The following DNAH17 variants were observed in gnomAD, a reference collection of about 807,000 sequenced individuals.
DNAH17 encodes the protein axonemal beta dynein heavy chain 17.
DNAH17 carries 376 observed loss-of-function variants against 485.6 expected under a neutral mutation model. The ratio of observed to expected loss-of-function variants is 0.77; its 90% CI spans 0.71 to 0.84. The LOEUF is 0.84. DNAH17 is among the 40% of genes least tolerant of loss of function. The pLI, the probability that DNAH17 is intolerant of heterozygous loss-of-function variation, is 0.00. For missense variants in DNAH17, 6,370 were observed against 5,839.3 expected, an observed-to-expected ratio of 1.09 and a Z score of -2.96; for synonymous variants, 3,031 against 2,405.9, an observed-to-expected ratio of 1.26 and a Z score of -7.60.
rs1385594641 is a variant in DNAH17 at position 78,503,531 on chromosome 17, G to A, written c.4957-520C>T. On this transcript the variant is annotated intron_variant, in intron 31 of 80. Coordinates refer to ENST00000389840, the MANE Select transcript of DNAH17 (RefSeq NM_173628.4). ...AGATAGGATCTCGCTCTGCTGCCCC[G>A]GCTGCTGTGCAGTAACTGCAGTCCT... 3.3e-5 allele frequency among the ~76,000 whole-genome samples: 5 copies of A among 151,768 alleles called. No homozygotes were observed. In the South Asian group the frequency reaches 6.2e-4, roughly 19 times the overall value.
intron 44 of DNAH17, among the ~76,000 whole-genome samples, chr17:78,487,967 C>T (rs140675050): frequency 6.6e-6 from 1 of 152,322 alleles, no homozygotes; most frequent in East Asian, 1.9e-4. Context: ...CTTTCTATGT[C>T]CCTAAGCGAA....
Position 78,485,764 on chromosome 17 carries a change from CAGGGGAGGGA to C in DNAH17, c.7276-17_7276-8del, listed in dbSNP as rs200138898. On this transcript the variant is annotated splice_region_variant and splice_polypyrimidine_tract_variant and intron_variant, in intron 46 of 80. Coordinates refer to ENST00000389840, the MANE Select transcript of DNAH17 (RefSeq NM_173628.4). The stretch of plus-strand genomic sequence containing the variant: ...TGGTGTGGACCAAAGAGGCCTGGGG[CAGGGGAGGGA>C]AGGGGAGGGAGCTGTGATTCTCAGA... The C allele has an allele frequency of 1.2e-6, 2 of 1,611,636 alleles. No homozygotes were observed. Among genetic ancestry groups the C allele is most frequent in the East Asian group, 4.5e-5 (2 of 44,858 alleles).
intron 54 of DNAH17, among the ~76,000 whole-genome samples, chr17:78,471,151 C>A (rs984797144): frequency 3.1e-4 from 47 of 152,338 alleles, no homozygotes; most frequent in African/African-American, 1.1e-3. Context: ...TCCATATAGG[C>A]ACCCCAGTGG....
Position 78,428,534 on chromosome 17 carries a change from G to T in DNAH17, c.12579C>A (p.Arg4193=), listed in dbSNP as rs761215043. 3 of 1,606,504 alleles carry T rather than the reference G, an allele frequency of 1.9e-6. No homozygotes were observed. The highest frequency in any genetic ancestry group is 2.5e-6 in the Non-Finnish European group (3 of 1,176,692). ...TDSGAGTGVS[R]EEKVKAVLDD... The stretch of plus-strand genomic sequence containing the variant: ...GTTTCAAAGATCCTGCCTTCTCCTC[G>T]CGGGACACTCCCGTGCCTGCCCCCG... The change falls in exon 77 of 81, where the codon CGC becomes CGA. Residue 4193 remains arginine (R), a synonymous_variant. Coordinates refer to ENST00000389840, the MANE Select transcript of DNAH17 (RefSeq NM_173628.4).
At chr17:78,505,520 G>C (rs1006309922) in intron 30 of DNAH17, 75 bp from the exon 31 acceptor site, 2 of 1,588,326 alleles carry the variant, frequency 1.3e-6, no homozygotes, top group Non-Finnish European at 1.7e-6. Context: ...GCTTTCCGTG[G>C]GTGGTTTTAG....
At chr17:78,476,526 T>C in intron 52 of DNAH17, 46 bp downstream of exon 52, 1 of 1,572,238 alleles carries the variant, frequency 6.4e-7, no homozygotes. Flanking sequence ...TCCACCCTCC[T>C]GGAGCCATTC....
In DNAH17 at chr17:78,569,210, AG is replaced by A; in HGVS notation, c.1239del (p.Ser415ProfsTer3). ...TGGAAGAAGGAATTTATCCTGGAAA[AG>A]GCAAGAGAAGAAGGGAATTCCCAAG... is the stretch of plus-strand genomic sequence containing the variant. ...PVPWEFPSSL[A>X]FSRINSFFQR... On this transcript the variant is annotated frameshift_variant, in exon 9 of 81. Coordinates refer to ENST00000389840, the MANE Select transcript of DNAH17 (RefSeq NM_173628.4). LOFTEE classifies it high-confidence loss of function. The A allele has an allele frequency of 6.2e-7, 1 of 1,609,424 alleles. No homozygotes were observed. Among genetic ancestry groups the A allele is most frequent in the Non-Finnish European group, 8.5e-7 (1 of 1,177,874 alleles).
In DNAH17 at chr17:78,449,449, C is replaced by T. The variant is rs1267108833; in HGVS notation, c.11176G>A (p.Asp3726Asn). 1 of 1,552,130 alleles carries T rather than the reference C, an allele frequency of 6.4e-7. No homozygotes were observed. Among genetic ancestry groups the T allele is most frequent in the African/African-American group, 1.4e-5 (1 of 73,058 alleles). The change falls in exon 69 of 81, where the codon GAC becomes AAC. Residue 3726 changes from aspartate to asparagine, a missense_variant. By Grantham distance (23) the Asp-to-Asn change is conservative. Coordinates refer to ENST00000389840, the MANE Select transcript of DNAH17 (RefSeq NM_173628.4). ...MYTARGLFER[D>N]KLIFLAQVTF... Reference sequence around the variant, plus strand: ...ACTTGTGCCAGGAAAATGAGTTTGTCCCTCTCGAAGAGTCCCCGGGCCGTG... The same window carrying T: ...ACTTGTGCCAGGAAAATGAGTTTGTTCCTCTCGAAGAGTCCCCGGGCCGTG...
rs767144670 is a variant in DNAH17 at position 78,561,828 on chromosome 17, G to A, written c.1722C>T (p.Asn574=). 3.7e-6 allele frequency: 6 copies of A among 1,613,808 alleles called. No individual in the cohort carries two copies. In the Admixed American group the frequency reaches 6.7e-5, roughly 18 times the overall value. Residue 574 remains asparagine (N), a synonymous_variant, in exon 12 of 81, where the codon AAC becomes AAT. Transcript: ENST00000389840. ...DAQMAASEEG[N]IPLIHKNMPP... is the part of the protein sequence containing the mutation. ...GCATGTTTTTGTGGATCAGGGGGAT[G>A]TTCCCCTCCTCGGAGGCCGCCATCT... is the stretch of plus-strand genomic sequence containing the variant.
chr17:78,466,948 C>G (rs2088498086), intron 55 of DNAH17, 132 bp from the exon 56 acceptor site: 1 of 929,420 alleles, frequency 1.1e-6, no homozygotes, highest in Non-Finnish European at 1.5e-6. Context: ...CTGGGCAGCA[C>G]AGTCCTGGTT....
intron 9 of DNAH17, among the ~76,000 whole-genome samples, chr17:78,567,706 T>C (rs1005931370): frequency 6.6e-6 from 1 of 152,084 alleles, no homozygotes; most frequent in Non-Finnish European, 1.5e-5. Context: ...TCATGCCCCC[T>C]CTCCCTGAAG....
Position 78,485,696 on chromosome 17 carries a change from T to C in DNAH17, c.7337A>G (p.Glu2446Gly). 1 of 1,613,532 alleles carries C rather than the reference T, an allele frequency of 6.2e-7. No homozygotes were observed. The highest frequency in any genetic ancestry group is 8.5e-7 in the Non-Finnish European group (1 of 1,179,858). The stretch of plus-strand genomic sequence containing the variant: ...CACCAGCATCACCGGCCAGGACTTC[T>C]CCATGAGCAGGTCCATGAAGTAGCG... ...RIRYFMDLLM[E>G]KSWPVMLVGN... Residue 2446 changes from glutamate to glycine, a missense_variant, in exon 47 of 81, where the codon GAG becomes GGG. Physicochemically the swap from Glu to Gly is moderately conservative, Grantham distance 98. Transcript: ENST00000389840.
At chr17:78,449,275 G>T in intron 69 of DNAH17, 139 bp downstream of exon 69, 2 of 814,768 alleles carry the variant, frequency 2.5e-6, no homozygotes, top group Non-Finnish European at 3.9e-6. Context: ...ATAATCACCT[G>T]GGTATATTGC....
intron 31 of DNAH17, among the ~76,000 whole-genome samples, chr17:78,504,052 C>G (rs969817957): frequency 4.0e-5 from 6 of 150,864 alleles, no homozygotes; most frequent in African/African-American, 1.5e-4. Context: ...AAAAAACCCT[C>G]AAGTGGACAT....
rs1200437791 is a variant in DNAH17, at chr17:78,445,615, C to T, written c.11277G>A (p.Lys3759=). 2 of 1,567,216 alleles carry T rather than the reference C, an allele frequency of 1.3e-6. No individual in the cohort carries two copies. Among genetic ancestry groups the T allele is most frequent in the Non-Finnish European group, 8.7e-7 (1 of 1,155,826 alleles). The stretch of plus-strand genomic sequence containing the variant: ...AGTCCACTGGTGAGACCACTCCGGC[C>T]TTAAAAGGGAACCGCAGGAGGAAAT... ...ELDFLLRFPF[K]AGVVSPVDFL... Residue 3759 remains lysine (K), a synonymous_variant, in exon 70 of 81, where the codon AAG becomes AAA. Transcript: ENST00000389840.
intron 16 of DNAH17, among the ~76,000 whole-genome samples, chr17:78,544,324 G>C (rs140540150): frequency 6.6e-6 from 1 of 152,216 alleles, no homozygotes; most frequent in African/African-American, 2.4e-5. Flanking sequence ...TAGGGGGACG[G>C]AAGGACCCGA....
rs573726111 is a variant in DNAH17 at position 78,449,505 on chromosome 17, G to C, written c.11120C>G (p.Thr3707Arg). 5.7e-6 allele frequency: 9 copies of C among 1,588,968 alleles called. No individual in the cohort carries two copies. Among genetic ancestry groups the C allele is most frequent in the Non-Finnish European group, 7.7e-6 (9 of 1,167,672 alleles). The change falls in exon 69 of 81, where the codon ACG (threonine) becomes AGG (arginine). Residue 3707 changes from threonine (T) to arginine (R), a missense_variant. Transcript: ENST00000389840. ...NEVKQRVINL[T>R]DEITYSVYMY... ...GTAGACGGAGTAGGTGATCTCGTCC[G>C]TCAGGTTGATCACCCGCTGCTTCAC...
chr17:78,567,216 G>A lies in DNAH17; in HGVS notation c.1285-50C>T, dbSNP rs747189480. On this transcript the variant is annotated intron_variant, in intron 9 of 80. Coordinates refer to ENST00000389840, the MANE Select transcript of DNAH17 (RefSeq NM_173628.4). ...AATTCATCTTCACAACCCAACTCAC[G>A]GGTCCAGTTACAAAACTAGCTCTGA... 13 of 1,549,578 alleles carry A rather than the reference G, an allele frequency of 8.4e-6. No homozygotes were observed. The Admixed American group carries it at 9.9e-5, about 12-fold the overall frequency.
chr17:78,430,177 G>A (rs564574287), intron 75 of DNAH17, among the ~76,000 whole-genome samples: 2 of 152,308 alleles, frequency 1.3e-5, no homozygotes, highest in African/African-American at 4.8e-5. Flanking sequence ...CCATGTGCCC[G>A]TTTTGGAGCC....
Sources: gnomAD v4.1 joint callset for allele counts (sites outside exome capture counted in the v4.1 genomes callset) on GRCh38, gnomAD v4.1.1 for gene constraint, MANE v1.5 for transcripts, NCBI Gene and HGNC (gene_info 2026-07-23, HGNC 2026-07-21) for gene names.